RAP1GAP2: variants seen among roughly 807,000 people sequenced by gnomAD.
RAP1GAP2 encodes rap1 GTPase-activating protein 2.
A neutral mutation model predicts 95.0 loss-of-function variants in RAP1GAP2; 27 were observed. The ratio of observed to expected loss-of-function variants is 0.28; its 90% CI spans 0.21 to 0.39. The LOEUF (loss-of-function observed/expected upper bound fraction) is 0.39, where lower values mean the gene tolerates loss of function less well. RAP1GAP2 is among the 10% of genes least tolerant of loss of function. The pLI is 1.00. For synonymous variants in RAP1GAP2, 373 were observed against 380.9 expected (o/e 0.98, Z 0.24); for missense variants, 771 against 970.0 (o/e 0.79, Z 2.72).
intron 2 of RAP1GAP2, among the ~76,000 whole-genome samples, chr17:2,822,520 G>C (rs1033443926): frequency 7.9e-5 from 12 of 152,058 alleles, no homozygotes; most frequent in Non-Finnish European, 1.5e-4. Flanking sequence ...TCAGCTACTT[G>C]GGAGTCAGGT....
rs766533771 is a variant in RAP1GAP2, at chr17:3,007,963, C to G, written c.1360-48C>G. 20 of 1,600,344 alleles carry G rather than the reference C, an allele frequency of 1.2e-5. No homozygotes were observed. The East Asian group carries it at 4.5e-4, about 36-fold the overall frequency. On this transcript the variant is annotated intron_variant, in intron 16 of 24. Coordinates refer to ENST00000254695, the MANE Select transcript of RAP1GAP2 (RefSeq NM_015085.5). ...TGGAGCTCACAAGGAGCAGGCACAT[C>G]TCTGCTCTCAGAGCCAGCTTCTCCA... is the stretch of plus-strand genomic sequence containing the variant.
In RAP1GAP2 at chr17:2,983,263, G is replaced by A. The variant is rs78642947; in HGVS notation, c.730-1720G>A. Reference sequence around the variant, plus strand: ...AAATGTCACATTTAATGTTTTCACCGCTGTCCTTCAAATCTAAGTTGTGCA... The same window carrying A: ...AAATGTCACATTTAATGTTTTCACCACTGTCCTTCAAATCTAAGTTGTGCA... On this transcript the variant is annotated intron_variant, in intron 10 of 24. Transcript: ENST00000254695. 4.8e-3 allele frequency among the ~76,000 whole-genome samples: 724 copies of A among 150,136 alleles called. 6 individuals are homozygous for A. Among genetic ancestry groups the A allele is most frequent in the African/African-American group, 0.017 (685 of 40,722 alleles).
At chr17:2,860,525 A>G (rs1301523340) in intron 2 of RAP1GAP2, among the ~76,000 whole-genome samples, 1 of 151,630 alleles carries the variant, frequency 6.6e-6, no homozygotes, top group Admixed American at 6.6e-5. Context: ...GGAGTTTAAA[A>G]CATTCAAATA....
intron 19 of RAP1GAP2, 42 bp from the exon 20 acceptor site, chr17:3,025,966 G>T: frequency 6.9e-7 from 1 of 1,454,048 alleles, no homozygotes; most frequent in South Asian, 1.2e-5. Flanking sequence ...TGGGGGTTGA[G>T]GGCTGTCTCC....
intron 2 of RAP1GAP2, among the ~76,000 whole-genome samples, chr17:2,884,333 C>T (rs560207712): frequency 4.7e-5 from 7 of 150,290 alleles, no homozygotes; most frequent in East Asian, 2.0e-4. Flanking sequence ...ATGGGCGAGA[C>T]GGGTCGGACA....
intron 3 of RAP1GAP2, among the ~76,000 whole-genome samples, chr17:2,938,857 G>A (rs1220058118): frequency 6.6e-6 from 1 of 151,760 alleles, no homozygotes; most frequent in Non-Finnish European, 1.5e-5. Context: ...TATGGTGGCG[G>A]GTGCCTGTAA....
At chr17:2,837,808 G>A (rs1334806973) in intron 2 of RAP1GAP2, among the ~76,000 whole-genome samples, 4 of 151,324 alleles carry the variant, frequency 2.6e-5, no homozygotes, top group Non-Finnish European at 4.4e-5. Flanking sequence ...GGGTTTCGCC[G>A]TGTTAGCCAG....
At position 3,018,067 on chromosome 17, in the gene RAP1GAP2, A is replaced by G. The variant is rs1187573004; in HGVS notation, c.1501A>G (p.Ile501Val). 12 of 1,585,600 alleles carry G rather than the reference A, an allele frequency of 7.6e-6. No individual in the cohort carries two copies. The highest frequency in any genetic ancestry group is 9.4e-6 in the Non-Finnish European group (11 of 1,166,552). ...CCTTGTTCTCTCCCCGTAGAGGGCC[A>G]TCCGCGTACGCAGCCACTCCATGGA... is the stretch of plus-strand genomic sequence containing the variant. ...GGFLESFKRA[I>V]RVRSHSMETM... The change falls in exon 18 of 25, where the codon ATC (isoleucine) becomes GTC (valine). Residue 501 changes from isoleucine (I) to valine (V), a missense_variant. Coordinates refer to ENST00000254695, the MANE Select transcript of RAP1GAP2 (RefSeq NM_015085.5).
At position 2,857,342 on chromosome 17, in the gene RAP1GAP2, A is replaced by G. The variant is rs1048814763; in HGVS notation, c.81-47942A>G. Reference sequence around the variant, plus strand: ...TTGGAAATATTGCGTATTAGGGGACAGGGAGGTGTGCCAGCCAGGGTAGTC... The same window carrying G: ...TTGGAAATATTGCGTATTAGGGGACGGGGAGGTGTGCCAGCCAGGGTAGTC... On this transcript the variant is annotated intron_variant, in intron 2 of 24. Coordinates refer to ENST00000254695, the MANE Select transcript of RAP1GAP2 (RefSeq NM_015085.5). This position sits in a 1 kb window ranked among gnomAD's most constrained non-coding sequence, Gnocchi z 4.0. 6.6e-6 allele frequency among the ~76,000 whole-genome samples: 1 copy of G among 152,218 alleles called. No homozygotes were observed. The highest frequency in any genetic ancestry group is 2.1e-4 in the South Asian group (1 of 4,834).
Position 2,904,538 on chromosome 17 carries a change from G to GTGTT in RAP1GAP2, c.81-743_81-742insTTGT. ...AGCTTTTTGACCAGGGCCTGTGTGT[G>GTGTT]TGTGTGTGTGTGTGTGTGTGTGTGT... On this transcript the variant is annotated intron_variant, in intron 2 of 24. Transcript: ENST00000254695. This position sits in a 1 kb window ranked among gnomAD's most constrained non-coding sequence, Gnocchi z 4.7. Among the ~76,000 whole-genome samples the GTGTT allele has an allele frequency of 6.7e-6, 1 of 150,074 alleles. No homozygotes were observed. The highest frequency in any genetic ancestry group is 1.5e-5 in the Non-Finnish European group (1 of 67,068).
chr17:2,820,903 T>TTTG lies in RAP1GAP2; in HGVS notation c.80+20355_80+20356insGTT, dbSNP rs1567678173. The stretch of plus-strand genomic sequence containing the variant: ...CGGCCCGGATAATGGTTTTTTTTTT[T>TTTG]TTTTTTGTATTTTTAGTAGAGATAG... On this transcript the variant is annotated intron_variant, in intron 2 of 24. Coordinates refer to ENST00000254695, the MANE Select transcript of RAP1GAP2 (RefSeq NM_015085.5). 2.4e-3 allele frequency among the ~76,000 whole-genome samples: 349 copies of TTTG among 145,972 alleles called. 7 individuals carry two copies. The highest frequency in any genetic ancestry group is 8.6e-3 in the African/African-American group (334 of 38,858).
upstream of RAP1GAP2, among the ~76,000 whole-genome samples, chr17:2,794,724 C>G (rs1366637879): frequency 6.6e-6 from 1 of 152,160 alleles, no homozygotes; most frequent in Non-Finnish European, 1.5e-5. Context: ...AATCCTTGTA[C>G]CCTTCGTCCA....
chr17:2,852,793 G>A (rs888389420), intron 2 of RAP1GAP2, among the ~76,000 whole-genome samples: 1 of 152,094 alleles, frequency 6.6e-6, no homozygotes, highest in African/African-American at 2.4e-5. Context: ...GGCAGCACCT[G>A]GAAGTGGATG....
intron 2 of RAP1GAP2, among the ~76,000 whole-genome samples, chr17:2,886,148 T>C (rs1333354396): frequency 9.3e-6 from 1 of 107,938 alleles, no homozygotes; most frequent in Non-Finnish European, 1.9e-5. Context: ...TGTGTGTGTG[T>C]GTGTGTGTGT....
intron 3 of RAP1GAP2, among the ~76,000 whole-genome samples, chr17:2,920,096 C>T (rs2042707402): frequency 6.6e-6 from 1 of 150,764 alleles, no homozygotes; most frequent in South Asian, 2.1e-4. Flanking sequence ...CCTTGACCTT[C>T]TGGGCCCAAG....
At chr17:2,998,077 AAACTTCCAAAACAAC>A in intron 13 of RAP1GAP2, 129 bp from the exon 14 acceptor site, 1 of 918,606 alleles carries the variant, frequency 1.1e-6, no homozygotes, top group Non-Finnish European at 1.7e-6. Flanking sequence ...TTTCATACTT[AAACTTCCAAAACAAC>A]AACCACGAAC....
rs947274709 is a variant in RAP1GAP2, at chr17:3,033,699, G to A, written c.*338G>A. 6.5e-6 allele frequency: 1 copy of A among 152,694 alleles called. No individual in the cohort carries two copies. The highest frequency in any genetic ancestry group is 6.5e-5 in the Admixed American group (1 of 15,284). 9.5% of individuals were successfully genotyped at this position (152,694 alleles called of 1,614,324 possible). A position where few individuals can be genotyped will look rare whatever the true frequency, so the allele number is the denominator to read the frequency against. On this transcript the variant is annotated 3_prime_UTR_variant, in exon 25 of 25. Coordinates refer to ENST00000254695, the MANE Select transcript of RAP1GAP2 (RefSeq NM_015085.5). The surrounding 1 kb of genome is among the most constrained non-coding windows in gnomAD (Gnocchi z 4.9). ...AAAAGTGTCGGGCAAAGGGGGATCT[G>A]GGGGGAGCTCAGCAGTGACTGGGGA...
intron 2 of RAP1GAP2, among the ~76,000 whole-genome samples, chr17:2,901,430 C>T (rs12951612): frequency 6.6e-6 from 1 of 151,986 alleles, no homozygotes; most frequent in Non-Finnish European, 1.5e-5. Flanking sequence ...TCTCATGGGT[C>T]CTTGTGGGTC....
At chr17:3,011,148 G>A (rs1389754219) in intron 17 of RAP1GAP2, among the ~76,000 whole-genome samples, 1 of 151,938 alleles carries the variant, frequency 6.6e-6, no homozygotes. Context: ...GGCTGGTCTC[G>A]AACTCCTGAC....
Sources: allele counts gnomAD v4.1 joint callset (sites outside exome capture counted in the v4.1 genomes callset), GRCh38; gene constraint gnomAD v4.1.1; non-coding constraint Gnocchi (gnomAD v3.1); transcripts MANE v1.5; gene names NCBI Gene and HGNC (gene_info 2026-07-23, HGNC 2026-07-21).